MPRIP: variants seen among roughly 807,000 people sequenced by gnomAD.
MPRIP encodes myosin phosphatase Rho interacting protein.
A neutral mutation model predicts 234.9 loss-of-function variants in MPRIP; 59 were observed. The observed-to-expected ratio is 0.25, with a 90% CI of 0.20 to 0.31. The LOEUF is 0.31. MPRIP is among the 10% of genes least tolerant of loss of function. The pLI, the probability that MPRIP is intolerant of heterozygous loss-of-function variation, is 1.00. For missense variants in MPRIP, 2,436 were observed against 3,071.0 expected, an observed-to-expected ratio of 0.79 and a Z score of 4.89; for synonymous variants, 1,144 against 1,263.9, an observed-to-expected ratio of 0.91 and a Z score of 2.01.
chr17:17,142,584 C>T lies in MPRIP; in HGVS notation c.1251-43C>T, dbSNP rs576897491. ...GAGTCGGCTCACTGCCACCTCACAG[C>T]TCACCTCACTGCCACCTCAGGGCCT... On this transcript the variant is annotated intron_variant, in intron 7 of 23. Coordinates refer to ENST00000651222, the MANE Select transcript of MPRIP (RefSeq NM_001364716.4). 1.4e-5 allele frequency: 23 copies of T among 1,603,626 alleles called. No individual in the cohort carries two copies. The African/African-American group carries it at 2.8e-4, about 20-fold the overall frequency.
intron 7 of MPRIP, chr17:17,141,447 A>G (rs921675952): frequency 2.0e-5 from 3 of 152,164 alleles, no homozygotes; most frequent in Non-Finnish European, 4.4e-5. Context: ...TTTCCTGAGG[A>G]AGACACTTTG....
At chr17:17,077,390 G>A (rs904061054) in intron 2 of MPRIP, 5 of 153,336 alleles carry the variant, frequency 3.3e-5, no homozygotes, top group Non-Finnish European at 7.3e-5. Flanking sequence ...AGAGTAGAGC[G>A]GGGGATGATC....
chr17:17,069,882 TC>T (rs1222068331), intron 1 of MPRIP, among the ~76,000 whole-genome samples: 1 of 152,230 alleles, frequency 6.6e-6, no homozygotes, highest in East Asian at 1.9e-4. Context: ...GATTCCTTCT[TC>T]TATGATTTCC....
At position 17,167,074 on chromosome 17, in the gene MPRIP, T is replaced by G; in HGVS notation, c.5483T>G (p.Leu1828Trp). 7.7e-7 allele frequency: 1 copy of G among 1,304,320 alleles called. No homozygotes were observed. Among genetic ancestry groups the G allele is most frequent in the Non-Finnish European group, 1.0e-6 (1 of 988,966 alleles). The allele number at this position is 1,304,320 out of a possible 1,614,324, so 80.8% of individuals were successfully genotyped here. A position where few individuals can be genotyped will look rare whatever the true frequency, so the allele number is the denominator to read the frequency against. ...VSQSLSYNTC[L>W]GGLGQYSSLL... ...CAGAGTCTCTCGTATAACACTTGTT[T>G]GGGAGGCCTCGGTCAGTATTCTTCA... Residue 1828 changes from leucine to tryptophan, a missense_variant, in exon 16 of 24, where the codon TTG (leucine) becomes TGG (tryptophan). This residue lies in a region of MPRIP where 1,998 missense variants were observed against 2,520.3 expected (regional missense o/e 0.79). Transcript: ENST00000651222. This position sits in a 1 kb window ranked among gnomAD's most constrained non-coding sequence, Gnocchi z 5.9.
chr17:17,146,754 C>T (rs2045474832), intron 10 of MPRIP, among the ~76,000 whole-genome samples: 2 of 152,248 alleles, frequency 1.3e-5, no homozygotes, highest in Non-Finnish European at 2.9e-5. Flanking sequence ...CTTCCTGCTT[C>T]CTGAGCTGCT....
At chr17:17,132,290 C>T (rs1228850969) in intron 5 of MPRIP, among the ~76,000 whole-genome samples, 2 of 152,218 alleles carry the variant, frequency 1.3e-5, no homozygotes, top group African/African-American at 2.4e-5. Flanking sequence ...TACCACACTC[C>T]CCACGTTCCT....
intron 2 of MPRIP, 103 bp downstream of exon 2, chr17:17,075,890 T>G (rs762169107): frequency 1.3e-4 from 152 of 1,153,488 alleles, no homozygotes; most frequent in Non-Finnish European, 1.9e-4. Context: ...GAACAGTGGA[T>G]CCTGGGATAG....
In MPRIP at chr17:17,188,318, G is replaced by A. The variant is rs1319359351; in HGVS notation, c.*3424G>A. The stretch of plus-strand genomic sequence containing the variant: ...GGGCGACTAGAGGTGGCAGTATCGC[G>A]AATTTGCAGGTTTATTGAACAAGAG... On this transcript the variant is annotated 3_prime_UTR_variant, in exon 24 of 24. Transcript: ENST00000651222. The A allele has an allele frequency of 6.6e-6, 1 of 152,304 alleles. No individual in the cohort carries two copies. The highest frequency in any genetic ancestry group is 1.5e-5 in the Non-Finnish European group (1 of 68,080). The allele number at this position is 152,304 out of a possible 1,614,324, so 9.4% of individuals were successfully genotyped here. A position where few individuals can be genotyped will look rare whatever the true frequency, so the allele number is the denominator to read the frequency against.
chr17:17,154,073 T>TA (rs1396227991), intron 12 of MPRIP, among the ~76,000 whole-genome samples: 1 of 12,088 alleles, frequency 8.3e-5, no homozygotes, highest in Admixed American at 9.3e-4. Context: ...TGAGAGAAGA[T>TA]ACCGGATTTA....
At chr17:17,170,089 G>A (rs1019050256) in intron 16 of MPRIP, 5 of 150,834 alleles carry the variant, frequency 3.3e-5, no homozygotes, top group Non-Finnish European at 5.9e-5. Context: ...AGTTGTGCTC[G>A]TTTTAGCAGC....
At chr17:17,148,155 G>T (rs2045519002) in intron 11 of MPRIP, among the ~76,000 whole-genome samples, 1 of 152,222 alleles carries the variant, frequency 6.6e-6, no homozygotes, top group Admixed American at 6.5e-5. Flanking sequence ...AGGAGAAAAG[G>T]TGGTAGTGAT....
intron 1 of MPRIP, among the ~76,000 whole-genome samples, chr17:17,060,858 G>A (rs1165029832): frequency 6.6e-6 from 1 of 152,230 alleles, no homozygotes; most frequent in Non-Finnish European, 1.5e-5. Context: ...GTCCACAACT[G>A]TGTGGCTGTA....
At chr17:17,087,075 T>C (rs531954412) in intron 3 of MPRIP, among the ~76,000 whole-genome samples, 1 of 152,314 alleles carries the variant, frequency 6.6e-6, no homozygotes, top group African/African-American at 2.4e-5. Flanking sequence ...CCAAGTGACA[T>C]TTCCCACACT....
At chr17:17,146,154 C>G (rs2045460679) in intron 10 of MPRIP, 62 bp downstream of exon 10, 4 of 1,495,096 alleles carry the variant, frequency 2.7e-6, no homozygotes, top group African/African-American at 2.8e-5. Flanking sequence ...GGTGAGCTGT[C>G]CTTGTCCCCA....
intron 1 of MPRIP, among the ~76,000 whole-genome samples, chr17:17,070,070 G>A (rs1486920531): frequency 6.6e-6 from 1 of 152,152 alleles, no homozygotes; most frequent in Non-Finnish European, 1.5e-5. Flanking sequence ...GAAAAGTAGT[G>A]TGCCACTTCC....
intron 3 of MPRIP, among the ~76,000 whole-genome samples, chr17:17,105,178 G>A (rs755305392): frequency 1.3e-5 from 2 of 152,294 alleles, no homozygotes; most frequent in African/African-American, 4.8e-5. Flanking sequence ...TTCTCCCAGG[G>A]CAGGGAGCAC....
At chr17:17,151,178 C>T (rs780742225) in intron 12 of MPRIP, among the ~76,000 whole-genome samples, 3 of 152,104 alleles carry the variant, frequency 2.0e-5, no homozygotes, top group South Asian at 2.1e-4. Context: ...GTCCTGCCCC[C>T]ACTTCTGACA....
At chr17:17,107,865 CTG>C (rs1219596947) in intron 3 of MPRIP, among the ~76,000 whole-genome samples, 2 of 152,212 alleles carry the variant, frequency 1.3e-5, no homozygotes, top group African/African-American at 2.4e-5. Context: ...CTGCTGCCCT[CTG>C]TGTCTGTAAG....
intron 3 of MPRIP, among the ~76,000 whole-genome samples, chr17:17,106,624 G>A (rs954507538): frequency 1.3e-5 from 2 of 152,222 alleles, no homozygotes; most frequent in Non-Finnish European, 2.9e-5. Context: ...CAGGCCTGCT[G>A]GAGAGATCCG....
Sources: allele counts gnomAD v4.1 joint callset (sites outside exome capture counted in the v4.1 genomes callset), GRCh38; gene constraint gnomAD v4.1.1; regional missense constraint gnomAD v4.1.1; non-coding constraint Gnocchi (gnomAD v3.1); transcripts MANE v1.5; gene names NCBI Gene and HGNC (gene_info 2026-07-23, HGNC 2026-07-21).